MDGA2: variants seen among roughly 807,000 people sequenced by gnomAD.
The protein encoded by MDGA2 is MAM domain-containing glycosylphosphatidylinositol anchor protein 2.
In MDGA2, 40 loss-of-function variants were observed where a neutral mutation model predicts 117.8. That is an observed-to-expected ratio of 0.34 (90% CI 0.26 to 0.44). The LOEUF is 0.44. Ranked by LOEUF, MDGA2 falls within the 20% of genes least tolerant of loss-of-function variation. The pLI is 1.00. For synonymous variants in MDGA2, 452 were observed against 439.0 expected (o/e 1.03, Z -0.37); for missense variants, 1,123 against 1,250.6 (o/e 0.90, Z 1.54).
intron 1 of MDGA2, among the ~76,000 whole-genome samples, chr14:47,446,297 A>G (rs1273080785): frequency 6.6e-6 from 1 of 152,188 alleles, no homozygotes; most frequent in Non-Finnish European, 1.5e-5. Flanking sequence ...ATTGGGAATT[A>G]TATGTGAGAA....
At chr14:47,020,513 A>G (rs774422297) in intron 8 of MDGA2, among the ~76,000 whole-genome samples, 16 of 152,204 alleles carry the variant, frequency 1.1e-4, no homozygotes, top group Non-Finnish European at 2.2e-4. Context: ...CTCAAGGAGC[A>G]ATAGGCTCAA....
rs556744952 is a variant in MDGA2 at position 47,505,503 on chromosome 14, A to T, written c.280+169014T>A. On this transcript the variant is annotated intron_variant, in intron 1 of 16. Transcript: ENST00000399232. Reference sequence around the variant, plus strand: ...TTAAGATGTGTCAAAATATTTTTTTAAAAAATGCCTGTTGCATCACTATGT... The same window carrying T: ...TTAAGATGTGTCAAAATATTTTTTTTAAAAATGCCTGTTGCATCACTATGT... Among the ~76,000 whole-genome samples, 47 of 152,280 alleles carry T rather than the reference A, an allele frequency of 3.1e-4. No homozygotes were observed. The South Asian group carries it at 6.6e-3, about 22-fold the overall frequency.
intron 1 of MDGA2, among the ~76,000 whole-genome samples, chr14:47,526,637 G>A (rs114962495): frequency 1.6e-3 from 251 of 152,170 alleles, no homozygotes; most frequent in African/African-American, 5.8e-3. Flanking sequence ...CACTTGTGTA[G>A]TGTAAGAATT....
At chr14:47,198,063 A>G (rs1262360513) in intron 3 of MDGA2, among the ~76,000 whole-genome samples, 5 of 149,768 alleles carry the variant, frequency 3.3e-5, no homozygotes, top group Middle Eastern at 3.2e-3. Flanking sequence ...TATTTTTTTT[A>G]CTTAAAAAAT....
intron 8 of MDGA2, among the ~76,000 whole-genome samples, chr14:47,007,532 A>C (rs1441359502): frequency 1.3e-5 from 2 of 151,844 alleles, no homozygotes; most frequent in African/African-American, 4.8e-5. Flanking sequence ...CTTAGGTGTG[A>C]GATGAACACA....
intron 10 of MDGA2, among the ~76,000 whole-genome samples, chr14:46,905,866 C>G (rs1277014776): frequency 6.6e-6 from 1 of 151,842 alleles, no homozygotes; most frequent in Non-Finnish European, 1.5e-5. Context: ...GTAAAAGTAA[C>G]CAAATTAAAC....
At chr14:47,081,044 T>C (rs1959811) in intron 6 of MDGA2, among the ~76,000 whole-genome samples, 50,373 of 152,046 alleles carry the variant, frequency 0.33, 8,931 homozygotes, top group East Asian at 0.52. Context: ...TATGTTACAG[T>C]ATACCAGCAG....
chr14:47,329,049 C>T (rs926388790), intron 1 of MDGA2, among the ~76,000 whole-genome samples: 14 of 152,056 alleles, frequency 9.2e-5, no homozygotes, highest in South Asian at 2.1e-4. Flanking sequence ...AAAGCTAATT[C>T]ATATTTTAAA....
chr14:46,914,941 T>C (rs1194595067), intron 10 of MDGA2, among the ~76,000 whole-genome samples: 1 of 152,122 alleles, frequency 6.6e-6, no homozygotes, highest in Non-Finnish European at 1.5e-5. Context: ...TTAATAATCC[T>C]TTGAATAAAA....
intron 16 of MDGA2, among the ~76,000 whole-genome samples, chr14:46,844,124 AAATAT>A (rs1272908651): frequency 5.3e-5 from 8 of 152,324 alleles, no homozygotes; most frequent in East Asian, 3.9e-4. Flanking sequence ...AAATAAAATT[AAATAT>A]ATCATTAAAC....
At chr14:47,567,072 CTTTT>C (rs574567708) in intron 1 of MDGA2, among the ~76,000 whole-genome samples, 2 of 151,786 alleles carry the variant, frequency 1.3e-5, no homozygotes, top group African/African-American at 4.8e-5. Flanking sequence ...GCCCAGCTAT[CTTTT>C]TTTAATTTTT....
At chr14:47,042,312 G>GTTTTTTT (rs748830079) in intron 7 of MDGA2, among the ~76,000 whole-genome samples, 1 of 129,988 alleles carries the variant, frequency 7.7e-6, no homozygotes, top group African/African-American at 3.0e-5. Flanking sequence ...CCAAATCTAT[G>GTTTTTTT]TTTTTTTTTT....
chr14:47,646,786 T>C (rs1897543202), intron 1 of MDGA2, among the ~76,000 whole-genome samples: 1 of 152,240 alleles, frequency 6.6e-6, no homozygotes, highest in Non-Finnish European at 1.5e-5. Flanking sequence ...GGTTGAATTT[T>C]GATCAGAGCC....
intron 1 of MDGA2, among the ~76,000 whole-genome samples, chr14:47,514,677 A>G (rs1472640603): frequency 6.6e-6 from 1 of 152,156 alleles, no homozygotes; most frequent in East Asian, 1.9e-4. Flanking sequence ...TTATACTTGA[A>G]AGATCACATA....
chr14:46,994,804 T>G (rs1197184647), intron 8 of MDGA2, among the ~76,000 whole-genome samples: 1 of 152,138 alleles, frequency 6.6e-6, no homozygotes, highest in Non-Finnish European at 1.5e-5. Context: ...TTGTTTGTCT[T>G]GATGAAAAGG....
chr14:46,964,699 T>C (rs1172967706), intron 8 of MDGA2, among the ~76,000 whole-genome samples: 2 of 152,180 alleles, frequency 1.3e-5, no homozygotes, highest in African/African-American at 2.4e-5. Context: ...CGTTGGAATG[T>C]AATACTGAAG....
intron 1 of MDGA2, among the ~76,000 whole-genome samples, chr14:47,569,278 A>T (rs904979120): frequency 2.0e-5 from 3 of 152,210 alleles, no homozygotes; most frequent in African/African-American, 7.2e-5. Flanking sequence ...CCAAAATCTA[A>T]TAATCATTCT....
chr14:47,187,886 T>G (rs1040000841), intron 3 of MDGA2, among the ~76,000 whole-genome samples: 1 of 152,032 alleles, frequency 6.6e-6, no homozygotes, highest in African/African-American at 2.4e-5. Context: ...GGATTTTAAC[T>G]ACATTGTTCA....
At chr14:47,200,120 G>C (rs1885435977) in intron 3 of MDGA2, among the ~76,000 whole-genome samples, 1 of 151,890 alleles carries the variant, frequency 6.6e-6, no homozygotes, top group Non-Finnish European at 1.5e-5. Flanking sequence ...ATATTTACTT[G>C]TATGTTGTAT....
Sources: allele counts gnomAD v4.1 joint callset (sites outside exome capture counted in the v4.1 genomes callset), GRCh38; gene constraint gnomAD v4.1.1; transcripts MANE v1.5; gene names NCBI Gene and HGNC (gene_info 2026-07-23, HGNC 2026-07-21).